The following ZFP91 variants were observed in gnomAD, a reference collection of about 807,000 sequenced individuals.
The protein encoded by ZFP91 is E3 ubiquitin-protein ligase ZFP91.
Under a neutral mutation model 63.5 loss-of-function variants are expected in ZFP91, and 7 were observed. The observed-to-expected ratio is 0.11, with a 90% CI of 0.06 to 0.21. ZFP91 has a LOEUF of 0.21. Ranked by LOEUF, ZFP91 falls within the 10% of genes least tolerant of loss-of-function variation. The pLI is 1.00. For synonymous variants in ZFP91, 330 were observed against 272.1 expected (o/e 1.21, Z -2.10); for missense variants, 628 against 736.6 (o/e 0.85, Z 1.71).
rs1031975830 is a variant in ZFP91 at position 58,617,922 on chromosome 11, C to A, written c.*216C>A. Reference sequence around the variant, plus strand: ...CCTTATAAAATTGATGTTGTCTTTACCAGAAAGGTAGACAAAAAAGAAGCA... The same window carrying A: ...CCTTATAAAATTGATGTTGTCTTTAACAGAAAGGTAGACAAAAAAGAAGCA... On this transcript the variant is annotated 3_prime_UTR_variant, in exon 11 of 11. Transcript: ENST00000316059. The surrounding 1 kb of genome is among the most constrained non-coding windows in gnomAD (Gnocchi z 4.2). 3.8e-6 allele frequency: 2 copies of A among 526,256 alleles called. No individual in the cohort carries two copies. Among genetic ancestry groups the A allele is most frequent in the Non-Finnish European group, 5.8e-6 (2 of 346,784 alleles). 32.6% of individuals were successfully genotyped at this position (526,256 alleles called of 1,614,324 possible).
rs1020977946 is a variant in ZFP91 at position 58,617,467 on chromosome 11, C to A, written c.1474C>A (p.Leu492Ile). ...GACGCAGCCTTCAGATGGTCAGGGT[C>A]TTCCTCTTCTTCCTGAGCCCTTGGG... Reference protein sequence around the residue: ...SLTQPSDGQGLPLLPEPLGNS... With the variant: ...SLTQPSDGQGIPLLPEPLGNS... Residue 492 changes from leucine to isoleucine, a missense_variant, in exon 11 of 11, where the codon CTT becomes ATT. This residue lies in a region of ZFP91 where 115 missense variants were observed against 125.4 expected (regional missense o/e 0.92). Coordinates refer to ENST00000316059, the MANE Select transcript of ZFP91 (RefSeq NM_053023.5). This position sits in a 1 kb window ranked among gnomAD's most constrained non-coding sequence, Gnocchi z 4.2. 3.1e-6 allele frequency: 5 copies of A among 1,614,014 alleles called. No homozygotes were observed. In the African/African-American group the frequency reaches 6.7e-5, roughly 22 times the overall value.
chr11:58,584,799 A>G (rs1855176979), intron 1 of ZFP91, 57 bp from the exon 2 acceptor site: 1 of 1,441,384 alleles, frequency 6.9e-7, no homozygotes, highest in South Asian at 1.4e-5. Context: ...AGAGATATTT[A>G]TATTTTCAGA....
intron 2 of ZFP91, among the ~76,000 whole-genome samples, chr11:58,600,689 G>A (rs1855478474): frequency 3.9e-5 from 6 of 152,090 alleles, no homozygotes; most frequent in Admixed American, 3.9e-4. Context: ...TTCCAGTACA[G>A]TGTTGAATGG....
chr11:58,579,326 C>T lies in ZFP91; in HGVS notation c.45C>T (p.Asp15=). ...TEEPRPPEQQ[D]QEGGEAAKAA... Reference sequence around the variant, plus strand: ...AGCCGAGACCCCCGGAGCAGCAGGACCAGGAAGGGGGAGAGGCGGCCAAGG... The same window carrying T: ...AGCCGAGACCCCCGGAGCAGCAGGATCAGGAAGGGGGAGAGGCGGCCAAGG... Residue 15 remains aspartate, a synonymous_variant, in exon 1 of 11, where the codon GAC becomes GAT. Coordinates refer to ENST00000316059, the MANE Select transcript of ZFP91 (RefSeq NM_053023.5). The T allele has an allele frequency of 6.7e-7, 1 of 1,494,028 alleles. No individual in the cohort carries two copies. 92.5% of individuals were successfully genotyped at this position (1,494,028 alleles called of 1,614,324 possible).
intron 2 of ZFP91, among the ~76,000 whole-genome samples, chr11:58,598,749 CGTGTGTGT>C (rs56110499): frequency 4.7e-4 from 57 of 120,900 alleles, no homozygotes; most frequent in South Asian, 2.3e-3. Flanking sequence ...CTTTTGTGCA[CGTGTGTGT>C]GTGTGTGTGT....
At chr11:58,587,977 T>C (rs1362187707) in intron 2 of ZFP91, among the ~76,000 whole-genome samples, 1 of 152,164 alleles carries the variant, frequency 6.6e-6, no homozygotes, top group Non-Finnish European at 1.5e-5. Flanking sequence ...GTTAGATAGG[T>C]TATTTATTGC....
intron 1 of ZFP91, among the ~76,000 whole-genome samples, chr11:58,583,963 AT>A (rs1440018004): frequency 1.3e-5 from 2 of 152,042 alleles, no homozygotes; most frequent in African/African-American, 4.8e-5. Context: ...ACTCTGTGGT[AT>A]CTATATGATA....
At chr11:58,609,672 CTCA>C (rs1855625014) in intron 2 of ZFP91, among the ~76,000 whole-genome samples, 155 bp from the exon 3 acceptor site, 1 of 152,106 alleles carries the variant, frequency 6.6e-6, no homozygotes, top group African/African-American at 2.4e-5. Context: ...TAAGTTTTAT[CTCA>C]TTTTCCTTTT....
intron 6 of ZFP91, 58 bp from the exon 7 acceptor site, chr11:58,612,220 C>T: frequency 6.4e-7 from 1 of 1,566,800 alleles, no homozygotes; most frequent in Non-Finnish European, 8.8e-7. Flanking sequence ...TTCAGCCAGC[C>T]TTCACTGTGT....
At chr11:58,581,854 T>C (rs1855123033) in intron 1 of ZFP91, among the ~76,000 whole-genome samples, 1 of 151,954 alleles carries the variant, frequency 6.6e-6, no homozygotes, top group African/African-American at 2.4e-5. Context: ...ACAATGTTCC[T>C]TGTGGGGAGG....
intron 1 of ZFP91, among the ~76,000 whole-genome samples, chr11:58,583,493 G>C (rs1273390921): frequency 2.0e-5 from 3 of 151,762 alleles, no homozygotes; most frequent in African/African-American, 7.3e-5. Context: ...ATGAAGAGGT[G>C]GTAATATTCT....
chr11:58,581,288 CACCT>C lies in ZFP91; in HGVS notation c.341+1670_341+1673del, dbSNP rs376262350. On this transcript the variant is annotated intron_variant, in intron 1 of 10. Coordinates refer to ENST00000316059, the MANE Select transcript of ZFP91 (RefSeq NM_053023.5). ...TATTTTTAAAATTTCCTTTTATTCT[CACCT>C]ACCCCTTGAAAATTAAATATACCTA... 1.7e-4 allele frequency among the ~76,000 whole-genome samples: 26 copies of C among 152,236 alleles called. No individual in the cohort carries two copies. In the East Asian group the frequency reaches 5.0e-3, roughly 29 times the overall value.
intron 2 of ZFP91, among the ~76,000 whole-genome samples, chr11:58,609,111 C>G (rs1195713748): frequency 6.6e-6 from 1 of 152,092 alleles, no homozygotes; most frequent in East Asian, 1.9e-4. Flanking sequence ...AAGTATTTAG[C>G]TACGCCAGGT....
At position 58,621,448 on chromosome 11, in the gene ZFP91, A is replaced by G. The variant is rs115650357; in HGVS notation, c.*3742A>G. On this transcript the variant is annotated 3_prime_UTR_variant, in exon 11 of 11. Coordinates refer to ENST00000316059, the MANE Select transcript of ZFP91 (RefSeq NM_053023.5). Reference sequence around the variant, plus strand: ...TTTTTATTTTAAAAAAGAAAAAACTATAATCCTTCTGCCTTCCAAAAGCCA... The same window carrying G: ...TTTTTATTTTAAAAAAGAAAAAACTGTAATCCTTCTGCCTTCCAAAAGCCA... 6.6e-3 allele frequency among the ~76,000 whole-genome samples: 998 copies of G among 152,354 alleles called. 11 individuals are homozygous for G. Among genetic ancestry groups the G allele is most frequent in the African/African-American group, 0.023 (940 of 41,582 alleles).
chr11:58,597,630 T>C (rs182468711), intron 2 of ZFP91, among the ~76,000 whole-genome samples: 9 of 152,304 alleles, frequency 5.9e-5, no homozygotes, highest in Middle Eastern at 3.4e-3. Flanking sequence ...GCCTTTCTTA[T>C]AGCAATTCTG....
At chr11:58,600,221 A>G (rs112034991) in intron 2 of ZFP91, among the ~76,000 whole-genome samples, 3 of 151,714 alleles carry the variant, frequency 2.0e-5, no homozygotes, top group Non-Finnish European at 4.4e-5. Flanking sequence ...AATTTCTACC[A>G]AAAAGGAAGC....
Position 58,618,565 on chromosome 11 carries a change from C to T in ZFP91, c.*859C>T, listed in dbSNP as rs1030899839. ...GAACCTGAGATTCCTTATTTATTAA[C>T]AGGAAGTCTGATTTTTTTTTTTTGG... On this transcript the variant is annotated 3_prime_UTR_variant, in exon 11 of 11. Transcript: ENST00000316059. The T allele has an allele frequency of 2.4e-6, 1 of 409,462 alleles. No individual in the cohort carries two copies. Among genetic ancestry groups the T allele is most frequent in the African/African-American group, 2.1e-5 (1 of 46,642 alleles). 25.4% of individuals were successfully genotyped at this position (409,462 alleles called of 1,614,324 possible).
At position 58,617,458 on chromosome 11, in the gene ZFP91, G is replaced by T; in HGVS notation, c.1465G>T (p.Gly489Cys). The T allele has an allele frequency of 6.2e-7, 1 of 1,614,110 alleles. No individual in the cohort carries two copies. The highest frequency in any genetic ancestry group is 1.1e-5 in the South Asian group (1 of 91,074). Reference sequence around the variant, plus strand: ...AGAGTCCCTGACGCAGCCTTCAGATGGTCAGGGTCTTCCTCTTCTTCCTGA... The same window carrying T: ...AGAGTCCCTGACGCAGCCTTCAGATTGTCAGGGTCTTCCTCTTCTTCCTGA... ...NPESLTQPSD[G>C]QGLPLLPEPL... Residue 489 changes from glycine (G) to cysteine (C), a missense_variant, in exon 11 of 11, where the codon GGT becomes TGT. By Grantham distance (159) the Gly-to-Cys change is radical (BLOSUM62 -3). This residue lies in a region of ZFP91 where 115 missense variants were observed against 125.4 expected (regional missense o/e 0.92). Coordinates refer to ENST00000316059, the MANE Select transcript of ZFP91 (RefSeq NM_053023.5). This position sits in a 1 kb window ranked among gnomAD's most constrained non-coding sequence, Gnocchi z 4.2.
intron 2 of ZFP91, among the ~76,000 whole-genome samples, chr11:58,585,298 C>T (rs1340731054): frequency 6.6e-6 from 1 of 152,068 alleles, no homozygotes; most frequent in Non-Finnish European, 1.5e-5. Context: ...AATATTAGGT[C>T]ATTTTCCTTT....
Sources: gnomAD v4.1 joint callset for allele counts (sites outside exome capture counted in the v4.1 genomes callset) on GRCh38, gnomAD v4.1.1 for gene constraint, gnomAD v4.1.1 regional missense constraint, Gnocchi (gnomAD v3.1) non-coding constraint, MANE v1.5 for transcripts, NCBI Gene and HGNC (gene_info 2026-07-23, HGNC 2026-07-21) for gene names.